Variants in ESRRG observed in about 807,000 individuals in gnomAD.
ESRRG encodes the protein estrogen-related receptor gamma.
Under a neutral mutation model 44.0 loss-of-function variants are expected in ESRRG, and 13 were observed. The ratio of observed to expected loss-of-function variants is 0.30; its 90% CI spans 0.19 to 0.47. The LOEUF (loss-of-function observed/expected upper bound fraction) is 0.47, where lower values mean the gene tolerates loss of function less well. Among genes scored for constraint, ESRRG ranks in the 20% least tolerant of loss-of-function variants. The pLI is 1.00. For synonymous variants in ESRRG, 215 were observed against 214.6 expected, an observed-to-expected ratio of 1.00 and a Z score of -0.02; for missense variants, 395 against 580.6, an observed-to-expected ratio of 0.68 and a Z score of 3.29.
chr1:217,043,608 C>T (rs922104369), intron 1 of ESRRG, among the ~76,000 whole-genome samples: 2 of 151,988 alleles, frequency 1.3e-5, no homozygotes, highest in Non-Finnish European at 1.5e-5. Flanking sequence ...TTTCATTGCT[C>T]TTACATTGAG....
rs962284313 is a variant in ESRRG at position 216,506,537 on chromosome 1, A to G, written c.*402T>C. The G allele has an allele frequency of 4.7e-6, 2 of 427,630 alleles. No homozygotes were observed. The allele number at this position is 427,630 out of a possible 1,614,324, so 26.5% of individuals were successfully genotyped here. A position where few individuals can be genotyped will look rare whatever the true frequency, so the allele number is the denominator to read the frequency against. On this transcript the variant is annotated 3_prime_UTR_variant, in exon 7 of 7. Coordinates refer to ENST00000408911, the MANE Select transcript of ESRRG (RefSeq NM_001438.4). ...GAGGATTTTTTTTTAAACTAAAGCT[A>G]TTTCAAATTTAGAAAAAAGGGGAAG...
chr1:217,129,762 A>G (rs1297563698), intron 1 of ESRRG, among the ~76,000 whole-genome samples: 1 of 152,194 alleles, frequency 6.6e-6, no homozygotes, highest in African/African-American at 2.4e-5. Context: ...AGGCAAACCC[A>G]TAGAGACAGA....
At chr1:216,757,925 CT>C (rs1351488861) in intron 2 of ESRRG, among the ~76,000 whole-genome samples, 19 of 151,858 alleles carry the variant, frequency 1.3e-4, no homozygotes, top group Admixed American at 1.2e-3. Flanking sequence ...ACAGTTAATG[CT>C]TAGTGCCAGA....
chr1:217,050,302 G>A (rs1165574589), intron 1 of ESRRG, among the ~76,000 whole-genome samples: 1 of 152,128 alleles, frequency 6.6e-6, no homozygotes, highest in Non-Finnish European at 1.5e-5. Context: ...CAAAAATTAG[G>A]TTACACATGA....
intron 1 of ESRRG, among the ~76,000 whole-genome samples, chr1:216,966,273 C>T (rs912903779): frequency 3.3e-5 from 5 of 152,148 alleles, no homozygotes; most frequent in South Asian, 4.1e-4. Context: ...TGGAGTATAA[C>T]GTGTCAACAA....
At chr1:216,680,103 T>G (rs549091063) in intron 1 of ESRRG, among the ~76,000 whole-genome samples, 1 of 152,340 alleles carries the variant, frequency 6.6e-6, no homozygotes, top group South Asian at 2.1e-4. Flanking sequence ...ATTTGTGCTG[T>G]AGGTTGTACG....
At position 217,053,465 on chromosome 1, in the gene ESRRG, AAAAGAAAGAAAG is replaced by A. The variant is rs3072270; in HGVS notation, c.-106+36030_-106+36041del. ...GTGAGATTCTGTCCCAAAGCCAAAA[AAAAGAAAGAAAG>A]AAAGAAAGAAAGAAAGAAAGAAATG... On this transcript the variant is annotated intron_variant, in intron 1 of 7. Transcript: ENST00000359162. Among the ~76,000 whole-genome samples the A allele has an allele frequency of 7.8e-3, 1,129 of 145,630 alleles. 8 individuals carry two copies. Among genetic ancestry groups the A allele is most frequent in the Non-Finnish European group, 0.01 (678 of 66,786 alleles).
rs1191529532 is a variant in ESRRG, at chr1:216,905,161, A to G, written c.-14+34421T>C. Reference sequence around the variant, plus strand: ...CTTTCAACACACTGTCTGTAAGCAGATACTCCGGCTGCCCATCACACACAG... The same window carrying G: ...CTTTCAACACACTGTCTGTAAGCAGGTACTCCGGCTGCCCATCACACACAG... On this transcript the variant is annotated intron_variant, in intron 2 of 7. Coordinates refer to the ESRRG transcript ENST00000359162. Among the ~76,000 whole-genome samples, 56 of 152,170 alleles carry G rather than the reference A, an allele frequency of 3.7e-4. 1 individual carries two copies. The highest frequency in any genetic ancestry group is 3.7e-3 in the Admixed American group (56 of 15,262).
intron 2 of ESRRG, among the ~76,000 whole-genome samples, chr1:216,738,711 G>A (rs1013700310): frequency 1.9e-4 from 29 of 152,060 alleles, no homozygotes; most frequent in African/African-American, 6.8e-4. Context: ...GAAAGATGAA[G>A]CAGCGTGCAC....
intron 1 of ESRRG, among the ~76,000 whole-genome samples, chr1:217,016,915 A>G (rs2079471346): frequency 6.6e-6 from 1 of 152,194 alleles, no homozygotes; most frequent in Admixed American, 6.5e-5. Context: ...ATCCTCATGC[A>G]ATACAGGAAA....
chr1:217,136,159 A>G (rs2093046115), intron 1 of ESRRG, among the ~76,000 whole-genome samples: 1 of 152,150 alleles, frequency 6.6e-6, no homozygotes, highest in African/African-American at 2.4e-5. Context: ...CGGAGCTCCC[A>G]GGGAGGGTGG....
chr1:217,091,889 T>C (rs2092351533), upstream of ESRRG, among the ~76,000 whole-genome samples: 1 of 152,214 alleles, frequency 6.6e-6, no homozygotes, highest in African/African-American at 2.4e-5. Context: ...AACCTTGGAA[T>C]TGGACCTTTA....
At chr1:216,645,537 T>C (rs568948358) in intron 3 of ESRRG, among the ~76,000 whole-genome samples, 2 of 152,132 alleles carry the variant, frequency 1.3e-5, no homozygotes, top group African/African-American at 2.4e-5. Flanking sequence ...TTGCTCCAAA[T>C]CACATCACAG....
Position 216,734,239 on chromosome 1 carries a change from A to C in ESRRG, c.-13-56748T>G, listed in dbSNP as rs966339469. ...TCTAGACATTTTAGACTCTCAACAA[A>C]TATCTGCCAAATAAATTCCTGATTT... On this transcript the variant is annotated intron_variant, in intron 2 of 7. Coordinates refer to the ESRRG transcript ENST00000359162. Among the ~76,000 whole-genome samples the C allele has an allele frequency of 5.3e-5, 8 of 152,220 alleles. 1 individual carries two copies. Among genetic ancestry groups the C allele is most frequent in the African/African-American group, 1.9e-4 (8 of 41,542 alleles).
rs531565763 is a variant in ESRRG at position 216,719,306 on chromosome 1, G to A, written c.56+3938C>T. On this transcript the variant is annotated intron_variant, in intron 1 of 6. Coordinates refer to ENST00000408911, the MANE Select transcript of ESRRG (RefSeq NM_001438.4). ...AAAATTAATTGCAAAAGTATGGCCC[G>A]GCTAATGAGATGGTCCTTATCTTTT... is the stretch of plus-strand genomic sequence containing the variant. 2.2e-3 allele frequency among the ~76,000 whole-genome samples: 333 copies of A among 151,930 alleles called. 1 individual carries two copies. Among genetic ancestry groups the A allele is most frequent in the African/African-American group, 7.5e-3 (311 of 41,482 alleles).
At chr1:216,826,499 C>T (rs113112728) in intron 2 of ESRRG, among the ~76,000 whole-genome samples, 1,857 of 152,116 alleles carry the variant, frequency 0.012, 32 homozygotes, top group Non-Finnish European at 0.017. Flanking sequence ...GACAATAATG[C>T]TATTGTTAGA....
intron 1 of ESRRG, among the ~76,000 whole-genome samples, chr1:216,699,616 G>A (rs946447971): frequency 6.6e-6 from 1 of 151,958 alleles, no homozygotes; most frequent in African/African-American, 2.4e-5. Context: ...GTGTGAATAA[G>A]TCATTGTTCC....
intron 2 of ESRRG, among the ~76,000 whole-genome samples, chr1:216,857,178 C>G (rs2095959212): frequency 6.6e-6 from 1 of 152,024 alleles, no homozygotes; most frequent in Non-Finnish European, 1.5e-5. Context: ...GCTAGCATAG[C>G]ACACCAGAGA....
chr1:216,651,356 A>G (rs905721854), intron 2 of ESRRG, among the ~76,000 whole-genome samples: 1 of 152,222 alleles, frequency 6.6e-6, no homozygotes, highest in African/African-American at 2.4e-5. Context: ...GAGTCCACCC[A>G]TGCAAAGTAA....
Sources: allele counts gnomAD v4.1 joint callset (sites outside exome capture counted in the v4.1 genomes callset), GRCh38; gene constraint gnomAD v4.1.1; transcripts MANE v1.5; gene names NCBI Gene and HGNC (gene_info 2026-07-23, HGNC 2026-07-21).